The following CTNNA2 variants were observed in gnomAD, a reference collection of about 807,000 sequenced individuals.
CTNNA2 encodes the protein catenin alpha-2.
A neutral mutation model predicts 101.0 loss-of-function variants in CTNNA2; 42 were observed. The ratio of observed to expected loss-of-function variants is 0.42; its 90% CI spans 0.32 to 0.54. CTNNA2 has a LOEUF of 0.54. Ranked by LOEUF, CTNNA2 falls within the 20% of genes least tolerant of loss-of-function variation. The pLI is 0.14. For missense variants in CTNNA2, 871 were observed against 1,223.1 expected (o/e 0.71, Z 4.29); for synonymous variants, 450 against 456.4 (o/e 0.99, Z 0.18).
chr2:79,292,892 G>C (rs950498671), intron 2 of CTNNA2: 4 of 152,206 alleles, frequency 2.6e-5, no homozygotes, highest in Non-Finnish European at 5.9e-5. Context: ...CTGAACACTG[G>C]CTTCTAGTCA....
intron 7 of CTNNA2, among the ~76,000 whole-genome samples, chr2:80,256,033 A>G (rs1301391693): frequency 6.6e-6 from 1 of 151,990 alleles, no homozygotes; most frequent in Non-Finnish European, 1.5e-5. Context: ...TTCATTGTGG[A>G]TAGGGGATGT....
chr2:79,618,367 A>G (rs748100209), intron 1 of CTNNA2, among the ~76,000 whole-genome samples: 1 of 151,736 alleles, frequency 6.6e-6, no homozygotes, highest in Non-Finnish European at 1.5e-5. Context: ...TTCTCTTTCT[A>G]TGATAGTTAT....
chr2:79,691,633 G>A (rs1684308458), intron 2 of CTNNA2, among the ~76,000 whole-genome samples: 1 of 151,800 alleles, frequency 6.6e-6, no homozygotes, highest in Non-Finnish European at 1.5e-5. Context: ...TATACTACAA[G>A]GCTACAGTAA....
chr2:80,222,495 C>A (rs1282827927), intron 7 of CTNNA2, among the ~76,000 whole-genome samples: 1 of 152,064 alleles, frequency 6.6e-6, no homozygotes, highest in Non-Finnish European at 1.5e-5. Flanking sequence ...AATTTAAGGT[C>A]CAAAGAAATG....
chr2:79,873,264 T>C (rs894887784), intron 5 of CTNNA2, among the ~76,000 whole-genome samples: 1 of 152,194 alleles, frequency 6.6e-6, no homozygotes, highest in African/African-American at 2.4e-5. Flanking sequence ...GTATGGCCCA[T>C]GCAATCAATT....
intron 3 of CTNNA2, among the ~76,000 whole-genome samples, chr2:79,851,445 G>C (rs188072709): frequency 1.3e-5 from 2 of 152,030 alleles, no homozygotes; most frequent in African/African-American, 4.8e-5. Flanking sequence ...GAGCTCAATC[G>C]GGATGCACAG....
intron 7 of CTNNA2, among the ~76,000 whole-genome samples, chr2:80,046,891 G>A (rs1003451066): frequency 1.3e-5 from 2 of 152,170 alleles, no homozygotes; most frequent in African/African-American, 4.8e-5. Context: ...ATTTGCCCAG[G>A]TTAAGAGGTA....
intron 4 of CTNNA2, among the ~76,000 whole-genome samples, chr2:79,488,341 A>AC (rs1671177720): frequency 1.3e-5 from 2 of 149,722 alleles, no homozygotes; most frequent in Non-Finnish European, 3.0e-5. Flanking sequence ...AAAAAAAAAA[A>AC]AACACAGTTC....
intron 15 of CTNNA2, among the ~76,000 whole-genome samples, chr2:80,596,294 T>G (rs1350411466): frequency 7.9e-4 from 35 of 44,566 alleles, no homozygotes; most frequent in South Asian, 1.1e-3. Context: ...TTTTTTTTTT[T>G]TTTTTTTTTT....
At chr2:80,346,268 A>C (rs1672726730) in intron 7 of CTNNA2, among the ~76,000 whole-genome samples, 1 of 152,218 alleles carries the variant, frequency 6.6e-6, no homozygotes, top group Non-Finnish European at 1.5e-5. Flanking sequence ...CAGGCTGTAC[A>C]GGAAGCATGG....
intron 7 of CTNNA2, among the ~76,000 whole-genome samples, chr2:80,384,416 A>G (rs1676803151): frequency 6.7e-6 from 1 of 148,838 alleles, no homozygotes; most frequent in African/African-American, 2.6e-5. Context: ...CGAACCTCAA[A>G]GTTAAAAGAA....
chr2:79,288,694 G>A (rs534292929), intron 2 of CTNNA2, among the ~76,000 whole-genome samples: 18 of 152,298 alleles, frequency 1.2e-4, no homozygotes, highest in East Asian at 1.9e-4. Context: ...GTTTTTCTAA[G>A]GGAGAGAAAT....
intron 7 of CTNNA2, among the ~76,000 whole-genome samples, chr2:80,098,280 C>T (rs969310097): frequency 3.9e-5 from 6 of 152,344 alleles, no homozygotes; most frequent in Non-Finnish European, 8.8e-5. Flanking sequence ...ACTCCAGACC[C>T]TGTTTGCCTG....
chr2:80,257,479 TAATG>T (rs1399763527), intron 7 of CTNNA2, among the ~76,000 whole-genome samples: 1 of 152,172 alleles, frequency 6.6e-6, no homozygotes, highest in African/African-American at 2.4e-5. Context: ...CTGTGAATGT[TAATG>T]ATTGTCTCTG....
At chr2:80,348,062 A>T (rs1453847885) in intron 7 of CTNNA2, among the ~76,000 whole-genome samples, 1 of 152,128 alleles carries the variant, frequency 6.6e-6, no homozygotes, top group Non-Finnish European at 1.5e-5. Flanking sequence ...CCTCTAGTTC[A>T]GAGCAGAACC....
At chr2:80,109,286 C>T (rs1243040069) in intron 7 of CTNNA2, among the ~76,000 whole-genome samples, 1 of 147,998 alleles carries the variant, frequency 6.8e-6, no homozygotes, top group Non-Finnish European at 1.5e-5. Flanking sequence ...TGGTGAAACC[C>T]CATGTCTACT....
intron 1 of CTNNA2, among the ~76,000 whole-genome samples, chr2:79,642,491 G>T (rs1392870320): frequency 6.6e-6 from 1 of 152,188 alleles, no homozygotes; most frequent in Non-Finnish European, 1.5e-5. Context: ...ATTGTGTAAA[G>T]AATAGTGATG....
chr2:80,574,060 T>A, intron 12 of CTNNA2, 103 bp from the exon 13 acceptor site: 1 of 1,209,394 alleles, frequency 8.3e-7, no homozygotes, highest in Non-Finnish European at 1.2e-6. Context: ...TTGCTCCACT[T>A]AACTTTTAGA....
intron 1 of CTNNA2, among the ~76,000 whole-genome samples, chr2:79,536,626 C>G (rs763236857): frequency 8.6e-6 from 1 of 116,252 alleles, no homozygotes; most frequent in Non-Finnish European, 2.0e-5. Flanking sequence ...GGGGTACATG[C>G]ATGCATTTGC....
Sources: gnomAD v4.1 joint callset for allele counts (sites outside exome capture counted in the v4.1 genomes callset) on GRCh38, gnomAD v4.1.1 for gene constraint, MANE v1.5 for transcripts, NCBI Gene and HGNC (gene_info 2026-07-23, HGNC 2026-07-21) for gene names.